The following ITGBL1 variants were observed in gnomAD, a reference collection of about 807,000 sequenced individuals.
ITGBL1 encodes the protein integrin beta-like protein 1.
A neutral mutation model predicts 68.5 loss-of-function variants in ITGBL1; 51 were observed. That is an observed-to-expected ratio of 0.74 (90% CI 0.59 to 0.94). The LOEUF (loss-of-function observed/expected upper bound fraction) is 0.94, where lower values mean the gene tolerates loss of function less well. Among genes scored for constraint, ITGBL1 ranks in the 40% least tolerant of loss-of-function variants. The pLI is 0.00. For synonymous variants in ITGBL1, 209 were observed against 227.3 expected (o/e 0.92, Z 0.72); for missense variants, 649 against 647.4 (o/e 1.00, Z -0.03).
At chr13:101,674,715 A>G (rs975694459) in intron 7 of ITGBL1, among the ~76,000 whole-genome samples, 1 of 152,030 alleles carries the variant, frequency 6.6e-6, no homozygotes, top group African/African-American at 2.4e-5. Flanking sequence ...TTCTGGGTTC[A>G]AAGTTCATGA....
At chr13:101,503,622 G>A (rs976704961) in intron 2 of ITGBL1, among the ~76,000 whole-genome samples, 1 of 152,134 alleles carries the variant, frequency 6.6e-6, no homozygotes, top group Non-Finnish European at 1.5e-5. Flanking sequence ...ACCCCCTAGG[G>A]GAGTACACCC....
rs375861806 is a variant in ITGBL1 at position 101,594,018 on chromosome 13, C to T, written c.869-4135C>T. Among the ~76,000 whole-genome samples, 21 of 152,054 alleles carry T rather than the reference C, an allele frequency of 1.4e-4. No homozygotes were observed. The East Asian group carries it at 3.9e-3, about 28-fold the overall frequency. On this transcript the variant is annotated intron_variant, in intron 6 of 10. Coordinates refer to ENST00000376180, the MANE Select transcript of ITGBL1 (RefSeq NM_004791.3). ...ATGTATCAAAACATCTGATTCTACC[C>T]CATAAATATGTACATATAATAATTT...
chr13:101,638,301 A>T (rs1057259734), intron 7 of ITGBL1, among the ~76,000 whole-genome samples: 4 of 152,170 alleles, frequency 2.6e-5, no homozygotes, highest in African/African-American at 9.7e-5. Context: ...GCTGGTGCCC[A>T]TAAGGGACAG....
At chr13:101,463,424 T>C (rs892893540) in intron 2 of ITGBL1, among the ~76,000 whole-genome samples, 1 of 152,128 alleles carries the variant, frequency 6.6e-6, no homozygotes, top group African/African-American at 2.4e-5. Flanking sequence ...TGTATATGTC[T>C]TTGTCTCAGA....
chr13:101,696,074 T>C (rs1303317146), intron 8 of ITGBL1, among the ~76,000 whole-genome samples: 2 of 151,994 alleles, frequency 1.3e-5, no homozygotes, highest in African/African-American at 4.8e-5. Flanking sequence ...GCAGTGTGGA[T>C]CTCATCTCTG....
At chr13:101,463,738 T>C (rs892863866) in intron 2 of ITGBL1, among the ~76,000 whole-genome samples, 1 of 152,006 alleles carries the variant, frequency 6.6e-6, no homozygotes, top group African/African-American at 2.4e-5. Flanking sequence ...GCTTCTTCAG[T>C]TGCAAAACTG....
intron 2 of ITGBL1, among the ~76,000 whole-genome samples, chr13:101,521,352 A>G (rs2049281121): frequency 1.3e-5 from 2 of 152,182 alleles, no homozygotes; most frequent in Admixed American, 1.3e-4. Context: ...AAAATAAGTA[A>G]AAAATAAAGT....
At chr13:101,568,282 T>C (rs1322990884) in intron 3 of ITGBL1, among the ~76,000 whole-genome samples, 3 of 152,220 alleles carry the variant, frequency 2.0e-5, no homozygotes, top group Admixed American at 6.5e-5. Context: ...TAAAGCTCTT[T>C]GAAGGATACA....
chr13:101,682,416 A>G (rs978232717), intron 7 of ITGBL1, among the ~76,000 whole-genome samples: 2 of 152,116 alleles, frequency 1.3e-5, no homozygotes, highest in South Asian at 2.1e-4. Flanking sequence ...TAACATTCCA[A>G]AAAAACTGTG....
At position 101,671,444 on chromosome 13, in the gene ITGBL1, T is replaced by G. The variant is rs1177172551; in HGVS notation, c.1016-21141T>G. Among the ~76,000 whole-genome samples the G allele has an allele frequency of 3.9e-5, 4 of 101,918 alleles. 1 individual carries two copies. The highest frequency in any genetic ancestry group is 6.0e-5 in the Non-Finnish European group (3 of 50,224). The allele number at this position is 101,918 out of a possible 152,430, so 66.9% of individuals were successfully genotyped here. A position where few individuals can be genotyped will look rare whatever the true frequency, so the allele number is the denominator to read the frequency against. On this transcript the variant is annotated intron_variant, in intron 7 of 10. Coordinates refer to ENST00000376180, the MANE Select transcript of ITGBL1 (RefSeq NM_004791.3). Reference sequence around the variant, plus strand: ...TACCTTTGTTTTTTTTTTGTTTTTTTTTGTTTTTTTTTGAGACGGAGTCTC... The same window carrying G: ...TACCTTTGTTTTTTTTTTGTTTTTTGTTGTTTTTTTTTGAGACGGAGTCTC...
At chr13:101,563,947 A>C (rs2050139957) in intron 2 of ITGBL1, among the ~76,000 whole-genome samples, 1 of 151,878 alleles carries the variant, frequency 6.6e-6, no homozygotes, top group African/African-American at 2.4e-5. Flanking sequence ...ATAAAAATAT[A>C]ATACTTATTA....
At position 101,532,781 on chromosome 13, in the gene ITGBL1, A is replaced by G. The variant is rs552017828; in HGVS notation, c.317-34918A>G. ...ATAATAGCATTTCACTGCCATAAGGATGATTGTAATTATCAGTGGAAGCCT... is the reference window on the plus strand; with the variant it reads ...ATAATAGCATTTCACTGCCATAAGGGTGATTGTAATTATCAGTGGAAGCCT... On this transcript the variant is annotated intron_variant, in intron 2 of 10. Coordinates refer to ENST00000376180, the MANE Select transcript of ITGBL1 (RefSeq NM_004791.3). Among the ~76,000 whole-genome samples, 3 of 152,318 alleles carry G rather than the reference A, an allele frequency of 2.0e-5. No individual in the cohort carries two copies. The South Asian group carries it at 6.2e-4, about 32-fold the overall frequency.
intron 6 of ITGBL1, among the ~76,000 whole-genome samples, chr13:101,590,046 G>C (rs1032484742): frequency 2.0e-5 from 3 of 152,150 alleles, no homozygotes; most frequent in Non-Finnish European, 4.4e-5. Context: ...AAAACAGAAC[G>C]TGCCTATGGG....
chr13:101,523,181 C>G (rs921195553), intron 2 of ITGBL1, among the ~76,000 whole-genome samples: 12 of 152,138 alleles, frequency 7.9e-5, no homozygotes, highest in African/African-American at 2.9e-4. Context: ...ATATTTGGCC[C>G]TAGCTCCTGG....
At chr13:101,676,557 A>G (rs987291447) in intron 7 of ITGBL1, among the ~76,000 whole-genome samples, 7 of 152,210 alleles carry the variant, frequency 4.6e-5, no homozygotes, top group East Asian at 1.9e-4. Context: ...TCTTGCCCCA[A>G]ATAGTTTCGG....
chr13:101,669,216 G>A (rs1233070967), intron 7 of ITGBL1, among the ~76,000 whole-genome samples: 2 of 151,954 alleles, frequency 1.3e-5, no homozygotes, highest in African/African-American at 4.8e-5. Flanking sequence ...TAACAACAAA[G>A]CAAAAAGAAG....
At chr13:101,521,208 A>C (rs1445030777) in intron 2 of ITGBL1, among the ~76,000 whole-genome samples, 2 of 152,092 alleles carry the variant, frequency 1.3e-5, no homozygotes, top group African/African-American at 4.8e-5. Flanking sequence ...CCTTTTATTC[A>C]CTCATTATTT....
At chr13:101,672,542 G>A (rs914506214) in intron 7 of ITGBL1, among the ~76,000 whole-genome samples, 1 of 152,158 alleles carries the variant, frequency 6.6e-6, no homozygotes, top group Admixed American at 6.5e-5. Context: ...CAAGTGGAAA[G>A]TCCATTTGCA....
intron 5 of ITGBL1, among the ~76,000 whole-genome samples, chr13:101,580,351 G>T (rs1238630310): frequency 6.6e-6 from 1 of 152,064 alleles, no homozygotes; most frequent in South Asian, 2.1e-4. Flanking sequence ...AAATAAAAAG[G>T]CAGGAACTTG....
Sources: gnomAD v4.1 joint callset for allele counts (sites outside exome capture counted in the v4.1 genomes callset) on GRCh38, gnomAD v4.1.1 for gene constraint, MANE v1.5 for transcripts, NCBI Gene and HGNC (gene_info 2026-07-23, HGNC 2026-07-21) for gene names.